The following RARB variants were observed in gnomAD, a reference collection of about 807,000 sequenced individuals.
RARB encodes the protein HBV-activated protein.
In RARB, 17 loss-of-function variants were observed where a neutral mutation model predicts 51.9. The ratio of observed to expected loss-of-function variants is 0.33; its 90% CI spans 0.22 to 0.49. The LOEUF is 0.49. Ranked by LOEUF, RARB falls within the 20% of genes least tolerant of loss-of-function variation. The pLI is 0.99. For synonymous variants in RARB, 215 were observed against 195.4 expected (o/e 1.10, Z -0.84); for missense variants, 369 against 550.8 (o/e 0.67, Z 3.30).
At chr3:25,295,991 G>T (rs1703906756) in intron 5 of RARB, among the ~76,000 whole-genome samples, 1 of 152,300 alleles carries the variant, frequency 6.6e-6, no homozygotes, top group Non-Finnish European at 1.5e-5. Flanking sequence ...TCTCAAAAGT[G>T]CATCTTGTTG....
intron 2 of RARB, among the ~76,000 whole-genome samples, chr3:25,052,727 C>T (rs1698361726): frequency 6.6e-6 from 1 of 152,120 alleles, no homozygotes; most frequent in South Asian, 2.1e-4. Context: ...ATTTAACAAT[C>T]ATATTCTCTT....
chr3:24,872,800 G>A (rs1217987590), intron 2 of RARB, among the ~76,000 whole-genome samples: 1 of 152,142 alleles, frequency 6.6e-6, no homozygotes, highest in Non-Finnish European at 1.5e-5. Flanking sequence ...ACAAACATCT[G>A]AACTATAGCA....
At chr3:25,099,820 T>C (rs570930515) in intron 3 of RARB, among the ~76,000 whole-genome samples, 1 of 152,250 alleles carries the variant, frequency 6.6e-6, no homozygotes, top group Admixed American at 6.5e-5. Context: ...GAGCTTGGCT[T>C]ACCTCCATCC....
At chr3:25,180,690 T>A (rs1429337565) in intron 5 of RARB, among the ~76,000 whole-genome samples, 1 of 152,186 alleles carries the variant, frequency 6.6e-6, no homozygotes, top group Non-Finnish European at 1.5e-5. Flanking sequence ...TGTTTCTCTG[T>A]TTTCTCCTTT....
intron 3 of RARB, among the ~76,000 whole-genome samples, chr3:25,560,221 A>T (rs1466968834): frequency 1.3e-5 from 2 of 152,214 alleles, no homozygotes; most frequent in Non-Finnish European, 2.9e-5. Context: ...ACTTAGGGGT[A>T]TATAGACTGG....
intron 5 of RARB, among the ~76,000 whole-genome samples, chr3:25,260,507 A>T (rs933265202): frequency 6.6e-6 from 1 of 152,104 alleles, no homozygotes; most frequent in South Asian, 2.1e-4. Context: ...CAAGACAGGG[A>T]CCCACTGAGT....
chr3:25,421,009 AC>A (rs1310842889), intron 5 of RARB, among the ~76,000 whole-genome samples: 1 of 151,404 alleles, frequency 6.6e-6, no homozygotes, highest in Non-Finnish European at 1.5e-5. Flanking sequence ...AAAAAAAAAA[AC>A]AGAGTCATAT....
intron 5 of RARB, among the ~76,000 whole-genome samples, chr3:25,241,458 T>C (rs1321799312): frequency 6.6e-6 from 1 of 152,146 alleles, no homozygotes; most frequent in Non-Finnish European, 1.5e-5. Flanking sequence ...ATGCTATGCC[T>C]CCCCTTCCCT....
At chr3:25,517,035 C>T (rs180910310) in intron 3 of RARB, among the ~76,000 whole-genome samples, 37 of 152,196 alleles carry the variant, frequency 2.4e-4, no homozygotes, top group Non-Finnish European at 4.6e-4. Flanking sequence ...TTGCAGAGTA[C>T]GAGCAATTAA....
In RARB at chr3:25,197,457, G is replaced by T. The variant is rs372044705; in HGVS notation, c.178+22882G>T. ...TTTTGGTAACAGTACCATGCAATAA[G>T]ACAGTAGAAAGAAAGGCATCCAAAT... On this transcript the variant is annotated intron_variant, in intron 5 of 11. Transcript: ENST00000383772. 5.3e-5 allele frequency among the ~76,000 whole-genome samples: 8 copies of T among 151,698 alleles called. No individual in the cohort carries two copies. The East Asian group carries it at 7.8e-4, about 15-fold the overall frequency.
At chr3:25,151,356 G>A (rs924722809) in intron 4 of RARB, among the ~76,000 whole-genome samples, 5 of 152,116 alleles carry the variant, frequency 3.3e-5, no homozygotes, top group African/African-American at 7.2e-5. Flanking sequence ...TAGAAATTTT[G>A]TTCTCTCTTT....
chr3:25,358,175 C>T (rs1013065650), intron 5 of RARB, among the ~76,000 whole-genome samples: 6 of 152,142 alleles, frequency 3.9e-5, no homozygotes, highest in African/African-American at 1.4e-4. Flanking sequence ...GTTTGTAGTT[C>T]TCCTTGAAGA....
intron 5 of RARB, among the ~76,000 whole-genome samples, chr3:25,233,920 A>G (rs1702243494): frequency 6.6e-6 from 1 of 151,978 alleles, no homozygotes; most frequent in African/African-American, 2.4e-5. Context: ...GTGTCCCCAG[A>G]ATAAACTCCC....
At chr3:25,240,645 A>G (rs752751869) in intron 5 of RARB, among the ~76,000 whole-genome samples, 17 of 152,156 alleles carry the variant, frequency 1.1e-4, no homozygotes, top group Admixed American at 9.8e-4. Context: ...ATTGAGTTAC[A>G]TATGTGGAGA....
At chr3:25,056,751 A>G (rs1698450129) in intron 2 of RARB, among the ~76,000 whole-genome samples, 1 of 152,128 alleles carries the variant, frequency 6.6e-6, no homozygotes, top group African/African-American at 2.4e-5. Flanking sequence ...GAGTTTTGCC[A>G]TCACCATTTT....
intron 5 of RARB, among the ~76,000 whole-genome samples, chr3:25,202,788 T>C (rs1701429786): frequency 6.6e-6 from 1 of 152,342 alleles, no homozygotes; most frequent in African/African-American, 2.4e-5. Context: ...GATTGCACTG[T>C]GGTCTGAGAG....
intron 4 of RARB, among the ~76,000 whole-genome samples, chr3:25,136,792 G>A (rs1239602702): frequency 1.3e-5 from 2 of 151,982 alleles, no homozygotes; most frequent in Admixed American, 1.3e-4. Flanking sequence ...GGCCTTAGAA[G>A]AACCATCCTT....
chr3:25,266,658 G>A (rs1703134150), intron 5 of RARB, among the ~76,000 whole-genome samples: 1 of 152,124 alleles, frequency 6.6e-6, no homozygotes, highest in Non-Finnish European at 1.5e-5. Flanking sequence ...TGACACCCCT[G>A]TGACTGAATT....
At chr3:25,528,866 C>T (rs983745336) in intron 3 of RARB, among the ~76,000 whole-genome samples, 1 of 152,070 alleles carries the variant, frequency 6.6e-6, no homozygotes, top group Non-Finnish European at 1.5e-5. Context: ...TCCCTAGGAA[C>T]CCTTCTCTGG....
Sources: gnomAD v4.1 joint callset for allele counts (sites outside exome capture counted in the v4.1 genomes callset) on GRCh38, gnomAD v4.1.1 for gene constraint, MANE v1.5 for transcripts, NCBI Gene and HGNC (gene_info 2026-07-23, HGNC 2026-07-21) for gene names.